RELN: variants seen among roughly 807,000 people sequenced by gnomAD.
RELN encodes the protein reelin.
A neutral mutation model predicts 427.6 loss-of-function variants in RELN; 108 were observed. The ratio of observed to expected loss-of-function variants is 0.25; its 90% CI spans 0.22 to 0.30. The LOEUF is 0.30. RELN is among the 10% of genes least tolerant of loss of function. The pLI is 1.00. For synonymous variants in RELN, 1,524 were observed against 1,513.4 expected (o/e 1.01, Z -0.16); for missense variants, 3,715 against 4,302.8 (o/e 0.86, Z 3.82).
At chr7:103,665,362 G>GTA (rs781583835) in intron 11 of RELN, among the ~76,000 whole-genome samples, 991 of 90,948 alleles carry the variant, frequency 0.011, 5 homozygotes, top group East Asian at 0.024. Context: ...GTGTGTGTGT[G>GTA]TATATATATA....
At chr7:103,744,923 C>G (rs1371053641) in intron 6 of RELN, among the ~76,000 whole-genome samples, 21 of 152,278 alleles carry the variant, frequency 1.4e-4, no homozygotes, top group Non-Finnish European at 2.4e-4. Context: ...TATGAGGCCA[C>G]TATCATCCTG....
At chr7:103,644,564 A>T (rs1368379843) in intron 16 of RELN, among the ~76,000 whole-genome samples, 2 of 151,616 alleles carry the variant, frequency 1.3e-5, no homozygotes, top group Non-Finnish European at 3.0e-5. Flanking sequence ...TTTCAAGCTA[A>T]CACAGTCAGA....
chr7:103,532,626 CCTCT>C (rs1404686963), intron 46 of RELN, among the ~76,000 whole-genome samples: 1 of 152,124 alleles, frequency 6.6e-6, no homozygotes, highest in Non-Finnish European at 1.5e-5. Flanking sequence ...TCACCTTGCT[CCTCT>C]CTCTATCTGA....
rs564114610 is a variant in RELN at position 103,803,066 on chromosome 7, C to T, written c.474-26439G>A. On this transcript the variant is annotated intron_variant, in intron 3 of 64. Transcript: ENST00000428762. The stretch of plus-strand genomic sequence containing the variant: ...TACATTTGGGTCAAAATAGAATCAC[C>T]CACATAGATACATGAAAGCCACAGT... Among the ~76,000 whole-genome samples the T allele has an allele frequency of 1.2e-3, 179 of 152,172 alleles. 3 individuals carry two copies. The highest frequency in any genetic ancestry group is 4.1e-3 in the African/African-American group (171 of 41,558).
intron 20 of RELN, among the ~76,000 whole-genome samples, chr7:103,614,362 G>T (rs1371184799): frequency 6.6e-6 from 1 of 152,224 alleles, no homozygotes; most frequent in African/African-American, 2.4e-5. Context: ...CATGTGTCCA[G>T]CAGTGGGTTC....
intron 1 of RELN, among the ~76,000 whole-genome samples, chr7:103,976,558 AT>A (rs1267078201): frequency 1.3e-5 from 2 of 152,172 alleles, no homozygotes; most frequent in Admixed American, 6.5e-5. Flanking sequence ...AGATGAAACA[AT>A]TGTAGGAACG....
At chr7:103,654,615 G>C (rs751767331) in intron 12 of RELN, among the ~76,000 whole-genome samples, 3 of 152,062 alleles carry the variant, frequency 2.0e-5, no homozygotes, top group African/African-American at 4.8e-5. Context: ...ATGACTTCCT[G>C]CATCAAGGAA....
At chr7:103,480,376 A>C (rs1828189741) in intron 63 of RELN, among the ~76,000 whole-genome samples, 1 of 152,296 alleles carries the variant, frequency 6.6e-6, no homozygotes, top group South Asian at 2.1e-4. Context: ...AATTATCTGG[A>C]ACTTTATTTT....
intron 22 of RELN, among the ~76,000 whole-genome samples, chr7:103,606,918 A>G (rs1831833495): frequency 6.6e-6 from 1 of 152,022 alleles, no homozygotes; most frequent in Non-Finnish European, 1.5e-5. Context: ...CCTATGAGTA[A>G]GAACATGCGG....
intron 1 of RELN, among the ~76,000 whole-genome samples, chr7:103,949,763 G>A (rs1030490312): frequency 2.0e-5 from 3 of 152,052 alleles, no homozygotes; most frequent in African/African-American, 4.8e-5. Context: ...AACCGGTATG[G>A]TTTCTCAAGA....
At chr7:103,770,044 A>G (rs1791525067) in intron 4 of RELN, among the ~76,000 whole-genome samples, 1 of 151,978 alleles carries the variant, frequency 6.6e-6, no homozygotes, top group Non-Finnish European at 1.5e-5. Flanking sequence ...ACCCTACCCC[A>G]GTCACCAAAT....
At chr7:103,535,256 T>TA in intron 46 of RELN, 60 bp downstream of exon 46, 1 of 1,475,854 alleles carries the variant, frequency 6.8e-7, no homozygotes, top group Admixed American at 1.7e-5. Flanking sequence ...TGCCAAATGT[T>TA]ATCACATTTG....
intron 2 of RELN, among the ~76,000 whole-genome samples, chr7:103,907,934 T>C (rs992982906): frequency 1.3e-5 from 2 of 152,090 alleles, no homozygotes; most frequent in Non-Finnish European, 2.9e-5. Flanking sequence ...GGTATTTGTA[T>C]TAATGTTCTC....
chr7:103,958,186 C>T (rs563198062), intron 1 of RELN, among the ~76,000 whole-genome samples: 2 of 152,254 alleles, frequency 1.3e-5, no homozygotes, highest in East Asian at 1.9e-4. Context: ...TGAATAATCC[C>T]CTCCCCTGAG....
At chr7:103,583,113 A>G (rs1171065208) in intron 28 of RELN, among the ~76,000 whole-genome samples, 1 of 152,164 alleles carries the variant, frequency 6.6e-6, no homozygotes, top group East Asian at 1.9e-4. Flanking sequence ...CCATTTTTCT[A>G]GGGAGAAAGA....
chr7:103,750,650 T>C (rs1790975915), intron 5 of RELN, among the ~76,000 whole-genome samples: 1 of 152,094 alleles, frequency 6.6e-6, no homozygotes, highest in Non-Finnish European at 1.5e-5. Context: ...CATTTTTTCT[T>C]CTCTTTCCCA....
Position 103,795,280 on chromosome 7 carries a change from T to C in RELN, c.474-18653A>G, listed in dbSNP as rs191891008. 1.2e-3 allele frequency among the ~76,000 whole-genome samples: 181 copies of C among 152,358 alleles called. 1 individual carries two copies. Among genetic ancestry groups the C allele is most frequent in the African/African-American group, 4.1e-3 (172 of 41,588 alleles). ...AAGCTAAGTATTGGCTTTAGAAAGT[T>C]GTCTTGTCTGACTCACATTTTCTGT... is the stretch of plus-strand genomic sequence containing the variant. On this transcript the variant is annotated intron_variant, in intron 3 of 64. Transcript: ENST00000428762.
intron 3 of RELN, among the ~76,000 whole-genome samples, chr7:103,803,782 G>T (rs1792527362): frequency 6.6e-6 from 1 of 152,034 alleles, no homozygotes; most frequent in Non-Finnish European, 1.5e-5. Flanking sequence ...CAGGATAACA[G>T]CAACTGGCAA....
In RELN at chr7:103,923,036, G is replaced by T. The variant is rs901051798; in HGVS notation, c.227-5851C>A. On this transcript the variant is annotated intron_variant, in intron 1 of 64. Coordinates refer to ENST00000428762, the MANE Select transcript of RELN (RefSeq NM_005045.4). ...ACCAATTGCAAAGTTTCCATTTCTT[G>T]ATTTTGTATATTCTGAAGATGAAAA... is the stretch of plus-strand genomic sequence containing the variant. Among the ~76,000 whole-genome samples, 3 of 151,804 alleles carry T rather than the reference G, an allele frequency of 2.0e-5. No individual in the cohort carries two copies. In the South Asian group the frequency reaches 6.3e-4, roughly 32 times the overall value.
Sources: gnomAD v4.1 joint callset for allele counts (sites outside exome capture counted in the v4.1 genomes callset) on GRCh38, gnomAD v4.1.1 for gene constraint, MANE v1.5 for transcripts, NCBI Gene and HGNC (gene_info 2026-07-23, HGNC 2026-07-21) for gene names.